SGO2: variants seen among roughly 807,000 people sequenced by gnomAD.
SGO2 encodes the protein shugoshin 2.
Under a neutral mutation model 99.5 loss-of-function variants are expected in SGO2, and 68 were observed. The observed-to-expected ratio is 0.68, with a 90% CI of 0.56 to 0.84. The LOEUF (loss-of-function observed/expected upper bound fraction) is 0.84, where lower values mean the gene tolerates loss of function less well. Among genes scored for constraint, SGO2 ranks in the 40% least tolerant of loss-of-function variants. SGO2 has a pLI of 0.00. For missense variants in SGO2, 1,350 were observed against 1,436.7 expected (o/e 0.94, Z 0.97); for synonymous variants, 457 against 487.1 (o/e 0.94, Z 0.81).
At position 200,552,157 on chromosome 2, in the gene SGO2, G is replaced by GT. The variant is rs941393038; in HGVS notation, c.473+9500dup. On this transcript the variant is annotated intron_variant, in intron 5 of 8. Transcript: ENST00000357799. ...ATATATATTCTCTCCATGTTTTGTAGTTTTTTTGTATTGAGTTATTACATA... is the reference window on the plus strand; with the variant it reads ...ATATATATTCTCTCCATGTTTTGTAGTTTTTTTTGTATTGAGTTATTACATA... Among the ~76,000 whole-genome samples, 12 of 151,838 alleles carry GT rather than the reference G, an allele frequency of 7.9e-5. 1 individual carries two copies. The highest frequency in any genetic ancestry group is 7.9e-4 in the Admixed American group (12 of 15,238).
At chr2:200,550,738 A>C (rs1272459603) in intron 5 of SGO2, among the ~76,000 whole-genome samples, 2 of 152,220 alleles carry the variant, frequency 1.3e-5, no homozygotes, top group Admixed American at 6.5e-5. Context: ...AACTATTAGA[A>C]GAAAACATTG....
At position 200,570,294 on chromosome 2, in the gene SGO2, C is replaced by G. The variant is rs969832393; in HGVS notation, c.703+402C>G. 1.2e-4 allele frequency among the ~76,000 whole-genome samples: 18 copies of G among 151,904 alleles called. No individual in the cohort carries two copies. Among genetic ancestry groups the G allele is most frequent in the African/African-American group, 4.3e-4 (18 of 41,476 alleles). On this transcript the variant is annotated intron_variant, in intron 6 of 8. Transcript: ENST00000357799. The surrounding 1 kb of genome is among the most constrained non-coding windows in gnomAD (Gnocchi z 4.4). ...CAGTTAATTAATGGTAAAGCAAAAA[C>G]TTGAGTCTGGGTAATGGTTGAGCAA...
At chr2:200,532,272 G>GTTTTTTTTTTTTTTTTT (rs58961852) in intron 1 of SGO2, 5 of 187,202 alleles carry the variant, frequency 2.7e-5, no homozygotes, top group Non-Finnish European at 3.3e-5. Flanking sequence ...AGAGTTTTTT[G>GTTTTTTTTTTTTTTTTT]TTTTTTTTTT....
intron 5 of SGO2, among the ~76,000 whole-genome samples, chr2:200,544,497 A>G (rs13428840): frequency 0.017 from 2,611 of 152,048 alleles, 90 homozygotes; most frequent in African/African-American, 0.059. Context: ...GGCCAGGCTG[A>G]TCTCCAACTC....
chr2:200,575,099 T>C (rs576098054), intron 7 of SGO2, among the ~76,000 whole-genome samples: 3 of 152,116 alleles, frequency 2.0e-5, no homozygotes, highest in African/African-American at 7.2e-5. Flanking sequence ...AGAGTTGAAC[T>C]AGGATGAACT....
chr2:200,571,034 T>C lies in SGO2; in HGVS notation c.704-16T>C. On this transcript the variant is annotated splice_polypyrimidine_tract_variant and intron_variant, in intron 6 of 8. Transcript: ENST00000357799. ...TCATTACTTGTTTCTGAGTTTTGTT[T>C]TCCTTTTCTTAATAGAAAGCCATTC... is the stretch of plus-strand genomic sequence containing the variant. 6.5e-7 allele frequency: 1 copy of C among 1,531,904 alleles called. No individual in the cohort carries two copies. Among genetic ancestry groups the C allele is most frequent in the Non-Finnish European group, 8.8e-7 (1 of 1,142,558 alleles). 94.9% of individuals were successfully genotyped at this position (1,531,904 alleles called of 1,614,324 possible).
At position 200,562,431 on chromosome 2, in the gene SGO2, C is replaced by A. The variant is rs190648193; in HGVS notation, c.474-7232C>A. On this transcript the variant is annotated intron_variant, in intron 5 of 8. Transcript: ENST00000357799. Reference sequence around the variant, plus strand: ...ATTGGTCTATATCTCTGTTTTGGTACCAGTACCATGCTGTTTTGGTTGCTG... The same window carrying A: ...ATTGGTCTATATCTCTGTTTTGGTAACAGTACCATGCTGTTTTGGTTGCTG... Among the ~76,000 whole-genome samples, 176 of 152,262 alleles carry A rather than the reference C, an allele frequency of 1.2e-3. 2 individuals are homozygous for A. The highest frequency in any genetic ancestry group is 0.01 in the Middle Eastern group (3 of 294).
intron 4 of SGO2, among the ~76,000 whole-genome samples, chr2:200,542,318 G>T (rs1202062238): frequency 6.6e-6 from 1 of 152,118 alleles, no homozygotes; most frequent in African/African-American, 2.4e-5. Flanking sequence ...ATTTGTGTAG[G>T]TATAGTCATG....
chr2:200,580,862 A>C (rs1382452807), intron 8 of SGO2, among the ~76,000 whole-genome samples: 1 of 151,970 alleles, frequency 6.6e-6, no homozygotes, highest in Non-Finnish European at 1.5e-5. Flanking sequence ...CACACACAAA[A>C]AAATTTTTTT....
chr2:200,527,890 G>T (rs1249572620), intron 1 of SGO2, among the ~76,000 whole-genome samples: 1 of 152,240 alleles, frequency 6.6e-6, no homozygotes, highest in African/African-American at 2.4e-5. Flanking sequence ...ATGGGGGTAA[G>T]TGTGCAGTTT....
chr2:200,538,156 T>TCTGCTTCAAA (rs1372954321), intron 4 of SGO2, among the ~76,000 whole-genome samples: 4 of 152,186 alleles, frequency 2.6e-5, no homozygotes, highest in African/African-American at 9.6e-5. Flanking sequence ...AATGTTAGTC[T>TCTGCTTCAAA]CTGCTTCAAA....
Position 200,572,392 on chromosome 2 carries a change from C to T in SGO2, c.2046C>T (p.Asp682=). Residue 682 remains aspartate, a synonymous_variant, in exon 7 of 9, where the codon GAC becomes GAT. Transcript: ENST00000357799. ...LSTRDNENQC[D]YRTQNVLGLQ... ...CTAGAGATAATGAAAATCAATGTGA[C>T]TATAGGACCCAGAATGTGTTGGGTT... 6.2e-7 allele frequency: 1 copy of T among 1,613,394 alleles called. No individual in the cohort carries two copies. Among genetic ancestry groups the T allele is most frequent in the Non-Finnish European group, 8.5e-7 (1 of 1,179,596 alleles).
intron 8 of SGO2, among the ~76,000 whole-genome samples, chr2:200,578,585 G>A (rs540606707): frequency 6.6e-6 from 1 of 152,302 alleles, no homozygotes; most frequent in South Asian, 2.1e-4. Flanking sequence ...TCTTCTTCTT[G>A]TTGACTAGAG....
In SGO2 at chr2:200,542,648, C is replaced by T. The variant is rs779103988; in HGVS notation, c.457C>T (p.Arg153Cys). 9.9e-6 allele frequency: 16 copies of T among 1,611,698 alleles called. No individual in the cohort carries two copies. Among genetic ancestry groups the T allele is most frequent in the Middle Eastern group, 1.6e-4 (1 of 6,070 alleles). ...AATTAGTAAACAGTGCAAGTTGATGCGTCTTCCATTTGCAAGGTAAATATG... is the reference window on the plus strand; with the variant it reads ...AATTAGTAAACAGTGCAAGTTGATGTGTCTTCCATTTGCAAGGTAAATATG... ...KRISKQCKLM[R>C]LPFARVPLTS... The change falls in exon 5 of 9, where the codon CGT (arginine) becomes TGT (cysteine). Residue 153 changes from arginine to cysteine, a missense_variant. By Grantham distance (180) the Arg-to-Cys change is radical. Coordinates refer to ENST00000357799, the MANE Select transcript of SGO2 (RefSeq NM_152524.6).
intron 8 of SGO2, among the ~76,000 whole-genome samples, chr2:200,580,286 C>T (rs1365950297): frequency 6.6e-6 from 1 of 151,754 alleles, no homozygotes; most frequent in African/African-American, 2.4e-5. Flanking sequence ...ATTATTTTAC[C>T]TATATCATTT....
intron 1 of SGO2, among the ~76,000 whole-genome samples, chr2:200,531,165 G>T (rs942549369): frequency 2.0e-5 from 3 of 152,162 alleles, no homozygotes; most frequent in Non-Finnish European, 4.4e-5. Flanking sequence ...GAACACAGTT[G>T]ATCCCTAACA....
rs372490825 is a variant in SGO2, at chr2:200,535,126, A to G, written c.264A>G (p.Lys88=). The G allele has an allele frequency of 7.8e-6, 12 of 1,538,364 alleles. No individual in the cohort carries two copies. Among genetic ancestry groups the G allele is most frequent in the Non-Finnish European group, 6.9e-6 (8 of 1,153,910 alleles). Residue 88 remains lysine (K), a synonymous_variant, in exon 3 of 9, where the codon AAA becomes AAG. Coordinates refer to ENST00000357799, the MANE Select transcript of SGO2 (RefSeq NM_152524.6). ...TGCTATTGCAAAAAGAAGTAGAGAA[A>G]CTGAATTTTGAGAACACATTTCTTC... The part of the protein sequence containing the change: ...EKMLLQKEVE[K]LNFENTFLRL...
intron 2 of SGO2, among the ~76,000 whole-genome samples, chr2:200,534,396 A>G (rs1400188313): frequency 2.6e-5 from 4 of 152,202 alleles, no homozygotes; most frequent in African/African-American, 9.7e-5. Flanking sequence ...ATTGCAGTAG[A>G]TGCCTAGAAA....
chr2:200,572,587 G>T lies in SGO2; in HGVS notation c.2241G>T (p.Thr747=), dbSNP rs202134341. The T allele has an allele frequency of 1.5e-4, 243 of 1,612,108 alleles. 1 individual carries two copies. The African/African-American group carries it at 2.8e-3, about 19-fold the overall frequency. Residue 747 remains threonine, a synonymous_variant, in exon 7 of 9, where the codon ACG becomes ACT. Transcript: ENST00000357799. ...TTAAAAGTCACTCACTCTTTTTAAC[G>T]CAAAAAGATAAGGAAATCATCCCTG... ...YTVKSHSLFL[T]QKDKEIIPGN... is the part of the protein sequence containing the mutation.
Sources: allele counts gnomAD v4.1 joint callset (sites outside exome capture counted in the v4.1 genomes callset), GRCh38; gene constraint gnomAD v4.1.1; non-coding constraint Gnocchi (gnomAD v3.1); transcripts MANE v1.5; gene names NCBI Gene and HGNC (gene_info 2026-07-23, HGNC 2026-07-21).